SPON1: variants seen among roughly 807,000 people sequenced by gnomAD.
The protein encoded by SPON1 is spondin 1.
SPON1 carries 52 observed loss-of-function variants against 111.7 expected under a neutral mutation model. The observed-to-expected ratio is 0.47, with a 90% CI of 0.37 to 0.59. The LOEUF is 0.59. Among genes scored for constraint, SPON1 ranks in the 20% least tolerant of loss-of-function variants. The pLI, the probability that SPON1 is intolerant of heterozygous loss-of-function variation, is 0.00. For synonymous variants in SPON1, 410 were observed against 395.8 expected, an observed-to-expected ratio of 1.04 and a Z score of -0.43; for missense variants, 957 against 1,068.5, an observed-to-expected ratio of 0.90 and a Z score of 1.46.
At chr11:14,263,272 C>T (rs1053155445) in intron 15 of SPON1, among the ~76,000 whole-genome samples, 2 of 152,070 alleles carry the variant, frequency 1.3e-5, no homozygotes, top group African/African-American at 4.8e-5. Flanking sequence ...AATTACAGTT[C>T]CTTCTTTACA....
chr11:13,992,152 G>A (rs1848236030), intron 2 of SPON1, among the ~76,000 whole-genome samples: 1 of 152,218 alleles, frequency 6.6e-6, no homozygotes, highest in Non-Finnish European at 1.5e-5. Flanking sequence ...TGCTGAAGCT[G>A]CAACCATAGC....
At chr11:14,111,028 A>C (rs2133848807) in intron 5 of SPON1, among the ~76,000 whole-genome samples, 1 of 152,332 alleles carries the variant, frequency 6.6e-6, no homozygotes, top group Non-Finnish European at 1.5e-5. Context: ...GGATAGATGA[A>C]CTGGGATTCT....
rs782804281 is a variant in SPON1 at position 14,262,714 on chromosome 11, A to C, written c.1999A>C (p.Ile667Leu). The change falls in exon 15 of 16, where the codon ATT becomes CTT. Residue 667 changes from isoleucine (I) to leucine (L), a missense_variant and splice_region_variant. Around this residue, in one of 5 missense-constraint regions of SPON1, gnomAD observed 549 missense variants for 606.2 expected, o/e 0.91. Coordinates refer to ENST00000576479, the MANE Select transcript of SPON1 (RefSeq NM_006108.4). Reference protein sequence around the residue: ...VEKCMLPECPIDCELTEWSQW... With the variant: ...VEKCMLPECPLDCELTEWSQW... Reference sequence around the variant, plus strand: ...CATGCCCATCTGTGTCTTGCCAGCCATTGACTGTGAGCTCACCGAGTGGTC... The same window carrying C: ...CATGCCCATCTGTGTCTTGCCAGCCCTTGACTGTGAGCTCACCGAGTGGTC... 11 of 1,613,846 alleles carry C rather than the reference A, an allele frequency of 6.8e-6. No individual in the cohort carries two copies. The highest frequency in any genetic ancestry group is 9.3e-6 in the Non-Finnish European group (11 of 1,179,872).
chr11:14,081,499 A>G (rs781926524), intron 5 of SPON1, among the ~76,000 whole-genome samples: 12 of 152,012 alleles, frequency 7.9e-5, no homozygotes, highest in Admixed American at 2.0e-4. Flanking sequence ...CCACATTGAG[A>G]TGTAAGTAAT....
chr11:14,163,847 G>A (rs12287225), intron 6 of SPON1, among the ~76,000 whole-genome samples: 23 of 151,272 alleles, frequency 1.5e-4, no homozygotes, highest in East Asian at 5.9e-4. Context: ...TCCCTCCCCC[G>A]CTTTAGCAAC....
At chr11:14,009,252 C>G (rs541889136) in intron 2 of SPON1, among the ~76,000 whole-genome samples, 1 of 152,182 alleles carries the variant, frequency 6.6e-6, no homozygotes, top group Non-Finnish European at 1.5e-5. Context: ...CTTAACAGCC[C>G]AAAAGGCCCA....
intron 2 of SPON1, among the ~76,000 whole-genome samples, chr11:14,023,288 T>C (rs1848493829): frequency 6.6e-6 from 1 of 152,178 alleles, no homozygotes; most frequent in Non-Finnish European, 1.5e-5. Context: ...GATTGGATTG[T>C]AGGGGCTAAG....
intron 2 of SPON1, among the ~76,000 whole-genome samples, chr11:13,995,218 T>C (rs2133789443): frequency 6.6e-6 from 1 of 152,282 alleles, no homozygotes; most frequent in Admixed American, 6.5e-5. Context: ...CTGACATGAA[T>C]TAATGAATGC....
chr11:14,173,957 G>A (rs926860846), intron 6 of SPON1, among the ~76,000 whole-genome samples: 5 of 152,254 alleles, frequency 3.3e-5, no homozygotes, highest in Non-Finnish European at 7.3e-5. Flanking sequence ...TGAGGAGGCA[G>A]TCTGCCCAGT....
chr11:14,233,246 A>G (rs1287502756), intron 6 of SPON1, among the ~76,000 whole-genome samples: 1 of 152,164 alleles, frequency 6.6e-6, no homozygotes, highest in African/African-American at 2.4e-5. Flanking sequence ...CCATCAGCAG[A>G]TAACGCTGAG....
Position 14,265,513 on chromosome 11 carries a change from C to T in SPON1, c.2261-11C>T, listed in dbSNP as rs782085100. ...TTCTGCGGGCCTAACAAGGCATTCT[C>T]ATGCTTTCAGGTTGTAGGATGCGCC... On this transcript the variant is annotated splice_polypyrimidine_tract_variant and intron_variant, in intron 15 of 15. Coordinates refer to ENST00000576479, the MANE Select transcript of SPON1 (RefSeq NM_006108.4). 20 of 1,610,694 alleles carry T rather than the reference C, an allele frequency of 1.2e-5. No homozygotes were observed. The highest frequency in any genetic ancestry group is 1.7e-5 in the Non-Finnish European group (20 of 1,178,624).
chr11:14,092,010 C>T (rs1456359197), intron 5 of SPON1, among the ~76,000 whole-genome samples: 4 of 152,206 alleles, frequency 2.6e-5, no homozygotes, highest in Non-Finnish European at 5.9e-5. Flanking sequence ...TGGGCTGTAC[C>T]CACTGCCTAA....
chr11:14,248,450 C>G (rs1171455263), intron 7 of SPON1, among the ~76,000 whole-genome samples: 1 of 152,004 alleles, frequency 6.6e-6, no homozygotes, highest in African/African-American at 2.4e-5. Flanking sequence ...TTTCACCTAC[C>G]CCTCAGACTT....
chr11:14,064,323 C>T (rs1848815601), intron 3 of SPON1, among the ~76,000 whole-genome samples: 1 of 152,242 alleles, frequency 6.6e-6, no homozygotes. Flanking sequence ...TAACAACAAA[C>T]TGTGTTCTAG....
At chr11:14,195,849 A>G (rs1363985012) in intron 6 of SPON1, among the ~76,000 whole-genome samples, 20 of 152,170 alleles carry the variant, frequency 1.3e-4, no homozygotes, top group African/African-American at 4.3e-4. Context: ...AGCTATGTAC[A>G]TATAACTTTG....
intron 5 of SPON1, among the ~76,000 whole-genome samples, chr11:14,118,239 G>C (rs1241815900): frequency 1.3e-5 from 2 of 152,190 alleles, no homozygotes; most frequent in Non-Finnish European, 2.9e-5. Context: ...TAGTGCTACA[G>C]TTCCTTCCCT....
At chr11:14,093,156 C>T (rs1465477943) in intron 5 of SPON1, among the ~76,000 whole-genome samples, 1 of 152,186 alleles carries the variant, frequency 6.6e-6, no homozygotes, top group African/African-American at 2.4e-5. Flanking sequence ...AGTTCATGGA[C>T]CTTAAAGTGT....
intron 2 of SPON1, among the ~76,000 whole-genome samples, chr11:14,004,375 A>T (rs1848343234): frequency 6.6e-6 from 1 of 152,198 alleles, no homozygotes; most frequent in Admixed American, 6.5e-5. Context: ...TTGCTGTATC[A>T]TATGATAGTT....
chr11:14,137,588 T>C (rs1236139227), intron 6 of SPON1, among the ~76,000 whole-genome samples: 1 of 152,164 alleles, frequency 6.6e-6, no homozygotes. Context: ...CAGCAGAGAA[T>C]ACCAGGACTT....
Sources: gnomAD v4.1 joint callset for allele counts (sites outside exome capture counted in the v4.1 genomes callset) on GRCh38, gnomAD v4.1.1 for gene constraint, gnomAD v4.1.1 regional missense constraint, MANE v1.5 for transcripts, NCBI Gene and HGNC (gene_info 2026-07-23, HGNC 2026-07-21) for gene names.